The following GHR variants were observed in gnomAD, a reference collection of about 807,000 sequenced individuals.
The protein encoded by GHR is GH receptor.
GHR carries 35 observed loss-of-function variants against 67.1 expected under a neutral mutation model. That is an observed-to-expected ratio of 0.52 (90% CI 0.40 to 0.69). The LOEUF is 0.69. GHR is among the 30% of genes least tolerant of loss of function. The probability of loss-of-function intolerance (pLI) is 0.00; values close to 1 mark genes in which losing one functional copy is unlikely to be tolerated. For synonymous variants in GHR, 272 were observed against 269.1 expected (o/e 1.01, Z -0.10); for missense variants, 792 against 764.6 (o/e 1.04, Z -0.42).
intron 4 of GHR, among the ~76,000 whole-genome samples, chr5:42,689,590 A>G (rs1338000882): frequency 6.6e-6 from 1 of 152,178 alleles, no homozygotes; most frequent in Non-Finnish European, 1.5e-5. Flanking sequence ...AAGGCTATGC[A>G]GGCAGAGGAA....
intron 5 of GHR, among the ~76,000 whole-genome samples, chr5:42,696,783 T>C (rs1057372284): frequency 2.6e-5 from 4 of 152,184 alleles, no homozygotes; most frequent in African/African-American, 9.6e-5. Flanking sequence ...TCTTACCATG[T>C]GTCAGGTATA....
chr5:42,436,384 A>G (rs569584544), intron 1 of GHR, among the ~76,000 whole-genome samples: 1 of 152,304 alleles, frequency 6.6e-6, no homozygotes, highest in African/African-American at 2.4e-5. Flanking sequence ...TTTGAAAACT[A>G]TATTGTCAAA....
At chr5:42,597,994 A>G (rs1352847560) in intron 2 of GHR, among the ~76,000 whole-genome samples, 1 of 152,244 alleles carries the variant, frequency 6.6e-6, no homozygotes, top group Non-Finnish European at 1.5e-5. Context: ...ATAATACTAA[A>G]GAAAGGAAGA....
chr5:42,541,587 C>A (rs1748519956), intron 1 of GHR, among the ~76,000 whole-genome samples: 1 of 151,876 alleles, frequency 6.6e-6, no homozygotes, highest in Admixed American at 6.6e-5. Flanking sequence ...GGGACATGTT[C>A]TTATTTTAGT....
chr5:42,459,556 T>G (rs1744400319), intron 1 of GHR, among the ~76,000 whole-genome samples: 1 of 152,034 alleles, frequency 6.6e-6, no homozygotes, highest in South Asian at 2.1e-4. Flanking sequence ...AAACTACCTA[T>G]CAGATACTAT....
At chr5:42,644,081 CATAAT>C (rs747599517) in intron 3 of GHR, among the ~76,000 whole-genome samples, 30 of 151,764 alleles carry the variant, frequency 2.0e-4, no homozygotes, top group Non-Finnish European at 4.1e-4. Flanking sequence ...ACTCTAATGA[CATAAT>C]AGATTTAAGC....
At chr5:42,658,197 G>A (rs1262052435) in intron 3 of GHR, among the ~76,000 whole-genome samples, 2 of 151,922 alleles carry the variant, frequency 1.3e-5, no homozygotes, top group East Asian at 3.9e-4. Context: ...TGAACCTAAT[G>A]CCAAAAAAAA....
At chr5:42,688,775 C>T (rs1757278272) in intron 3 of GHR, 115 bp from the exon 4 acceptor site, 5 of 979,384 alleles carry the variant, frequency 5.1e-6, no homozygotes, top group African/African-American at 3.2e-5. Flanking sequence ...CTCCTAGACA[C>T]GGAATACACT....
chr5:42,698,566 G>C lies in GHR; in HGVS notation c.440-1258G>C, dbSNP rs369199261. On this transcript the variant is annotated intron_variant, in intron 5 of 9. Transcript: ENST00000230882. The stretch of plus-strand genomic sequence containing the variant: ...TTTGACTCTCCCTGTTTTTAAAAAG[G>C]TGGTGTCGACCCCACAGAGGGCAAC... Among the ~76,000 whole-genome samples the C allele has an allele frequency of 2.3e-3, 355 of 152,164 alleles. 18 individuals carry two copies. The South Asian group carries it at 0.073, about 31-fold the overall frequency.
chr5:42,597,607 A>C (rs1004588745), intron 2 of GHR, among the ~76,000 whole-genome samples: 76 of 152,314 alleles, frequency 5.0e-4, no homozygotes, highest in African/African-American at 1.8e-3. Context: ...TTCAGTGGCC[A>C]GGGAAATTAT....
At chr5:42,581,503 T>C (rs1751167266) in intron 2 of GHR, among the ~76,000 whole-genome samples, 1 of 152,200 alleles carries the variant, frequency 6.6e-6, no homozygotes, top group Non-Finnish European at 1.5e-5. Context: ...AAGCATATAT[T>C]ATGTTAGTGA....
intron 2 of GHR, among the ~76,000 whole-genome samples, chr5:42,592,288 A>G (rs1751823621): frequency 6.6e-6 from 1 of 152,062 alleles, no homozygotes; most frequent in South Asian, 2.1e-4. Flanking sequence ...TTGGTTTCAG[A>G]GGTACATGTG....
intron 1 of GHR, among the ~76,000 whole-genome samples, chr5:42,538,942 C>A (rs1290812270): frequency 6.6e-6 from 1 of 152,082 alleles, no homozygotes; most frequent in East Asian, 1.9e-4. Context: ...TTCTGCATTT[C>A]TTTCTTCTAC....
chr5:42,466,628 G>C (rs1744745036), intron 1 of GHR, among the ~76,000 whole-genome samples: 1 of 152,150 alleles, frequency 6.6e-6, no homozygotes, highest in Admixed American at 6.5e-5. Flanking sequence ...TCCTAAGAAA[G>C]CTACATTCCA....
At chr5:42,446,245 G>A (rs1466922280) in intron 1 of GHR, among the ~76,000 whole-genome samples, 1 of 152,196 alleles carries the variant, frequency 6.6e-6, no homozygotes, top group East Asian at 1.9e-4. Flanking sequence ...GCTACAGTGG[G>A]AGGAGTTATG....
chr5:42,594,626 C>A (rs1751970381), intron 2 of GHR, among the ~76,000 whole-genome samples: 1 of 152,104 alleles, frequency 6.6e-6, no homozygotes, highest in Admixed American at 6.5e-5. Context: ...AATAATAAGT[C>A]CTTAGAACAC....
At chr5:42,632,818 C>A (rs1338127124) in intron 3 of GHR, among the ~76,000 whole-genome samples, 1 of 152,074 alleles carries the variant, frequency 6.6e-6, no homozygotes, top group Admixed American at 6.5e-5. Context: ...AAAGAGATAT[C>A]CAAACAACTT....
intron 1 of GHR, chr5:42,468,203 C>T: frequency 7.0e-7 from 1 of 1,438,572 alleles, no homozygotes; most frequent in Non-Finnish European, 9.8e-7. Flanking sequence ...TTGATGTTCT[C>T]AGAGTGCACT....
At chr5:42,506,320 C>T (rs1746777051) in intron 1 of GHR, among the ~76,000 whole-genome samples, 1 of 151,996 alleles carries the variant, frequency 6.6e-6, no homozygotes, top group Admixed American at 6.6e-5. Flanking sequence ...GGATGTCTTC[C>T]AAGGGAAATA....
Sources: gnomAD v4.1 joint callset for allele counts (sites outside exome capture counted in the v4.1 genomes callset) on GRCh38, gnomAD v4.1.1 for gene constraint, MANE v1.5 for transcripts, NCBI Gene and HGNC (gene_info 2026-07-23, HGNC 2026-07-21) for gene names.